GALNTL6: variants seen among roughly 807,000 people sequenced by gnomAD.
GALNTL6 encodes the protein polypeptide N-acetylgalactosaminyltransferase-like 6.
GALNTL6 carries 46 observed loss-of-function variants against 73.7 expected under a neutral mutation model. The ratio of observed to expected loss-of-function variants is 0.62; its 90% CI spans 0.49 to 0.80. The LOEUF is 0.80. Among genes scored for constraint, GALNTL6 ranks in the 30% least tolerant of loss-of-function variants. GALNTL6 has a pLI of 0.00. For missense variants in GALNTL6, 604 were observed against 755.0 expected (o/e 0.80, Z 2.34); for synonymous variants, 259 against 263.7 (o/e 0.98, Z 0.17).
intron 8 of GALNTL6, among the ~76,000 whole-genome samples, chr4:172,896,258 T>C (rs970779334): frequency 1.3e-5 from 2 of 152,226 alleles, no homozygotes; most frequent in Non-Finnish European, 2.9e-5. Context: ...TTTGTGCCTG[T>C]TCATTTTCCA....
At chr4:172,221,836 GGATTA>G (rs1736685956) in intron 2 of GALNTL6, among the ~76,000 whole-genome samples, 1 of 151,616 alleles carries the variant, frequency 6.6e-6, no homozygotes, top group African/African-American at 2.4e-5. Flanking sequence ...TATGTCAGCT[GGATTA>G]TAACCACTGC....
chr4:173,010,978 T>A (rs1221607664), intron 11 of GALNTL6, among the ~76,000 whole-genome samples: 2 of 152,252 alleles, frequency 1.3e-5, no homozygotes, highest in East Asian at 3.9e-4. Context: ...CTGCCAACAA[T>A]GTAAAAGTTT....
intron 5 of GALNTL6, among the ~76,000 whole-genome samples, chr4:172,368,798 A>G (rs1301813405): frequency 3.3e-5 from 5 of 152,160 alleles, no homozygotes; most frequent in African/African-American, 9.7e-5. Context: ...CCTTGCGGTG[A>G]GTGTTACAGT....
At chr4:172,309,153 G>A (rs903902692) in intron 3 of GALNTL6, among the ~76,000 whole-genome samples, 3 of 152,000 alleles carry the variant, frequency 2.0e-5, no homozygotes, top group African/African-American at 7.2e-5. Context: ...TCCTTTGATT[G>A]GAGAGGTTTC....
chr4:172,920,529 C>T (rs1057279865), intron 8 of GALNTL6, among the ~76,000 whole-genome samples: 1 of 152,138 alleles, frequency 6.6e-6, no homozygotes, highest in Non-Finnish European at 1.5e-5. Flanking sequence ...CAACCTTACC[C>T]TGCCTAAGTT....
intron 7 of GALNTL6, among the ~76,000 whole-genome samples, chr4:172,836,675 A>G (rs1742926672): frequency 6.6e-6 from 1 of 152,250 alleles, no homozygotes; most frequent in Non-Finnish European, 1.5e-5. Context: ...ATGATTGAGG[A>G]ATTCTATATT....
intron 2 of GALNTL6, among the ~76,000 whole-genome samples, chr4:171,977,989 G>C (rs1270765118): frequency 6.6e-6 from 1 of 151,974 alleles, no homozygotes; most frequent in Non-Finnish European, 1.5e-5. Flanking sequence ...TTGCAGTTTT[G>C]CTCTCATGAG....
At chr4:172,006,401 G>T (rs1740843405) in intron 2 of GALNTL6, among the ~76,000 whole-genome samples, 1 of 152,134 alleles carries the variant, frequency 6.6e-6, no homozygotes, top group Non-Finnish European at 1.5e-5. Context: ...GCGGAAGTGG[G>T]AGGATTGCTT....
At chr4:172,796,111 C>T (rs1325466907) in intron 5 of GALNTL6, among the ~76,000 whole-genome samples, 1 of 151,442 alleles carries the variant, frequency 6.6e-6, no homozygotes. Flanking sequence ...CCCCTTCTTT[C>T]CAGTTTCCTA....
intron 5 of GALNTL6, among the ~76,000 whole-genome samples, chr4:172,731,053 C>T (rs1469014532): frequency 6.7e-6 from 1 of 149,186 alleles, no homozygotes. Context: ...GCACTCCAGC[C>T]TGGGCTACAG....
chr4:172,945,058 C>CAAAAAAAAAA (rs200461415), intron 9 of GALNTL6, among the ~76,000 whole-genome samples: 1 of 76,894 alleles, frequency 1.3e-5, no homozygotes, highest in Non-Finnish European at 2.6e-5. Context: ...AATTCCATCT[C>CAAAAAAAAAA]AAAAAAAAAA....
At chr4:173,020,619 C>T (rs542185624) in intron 11 of GALNTL6, among the ~76,000 whole-genome samples, 1 of 152,342 alleles carries the variant, frequency 6.6e-6, no homozygotes, top group Non-Finnish European at 1.5e-5. Flanking sequence ...TTCTTCACTT[C>T]ATCAAGCTTA....
chr4:172,233,257 C>T (rs1221414430), intron 3 of GALNTL6, among the ~76,000 whole-genome samples: 1 of 150,856 alleles, frequency 6.6e-6, no homozygotes, highest in Non-Finnish European at 1.5e-5. Flanking sequence ...TGCCTGTGGT[C>T]TCAACTACAT....
intron 5 of GALNTL6, among the ~76,000 whole-genome samples, chr4:172,641,047 C>G (rs1460566357): frequency 1.3e-5 from 2 of 152,072 alleles, no homozygotes. Context: ...ACCCTCTCTT[C>G]TCTAACTGCT....
intron 2 of GALNTL6, among the ~76,000 whole-genome samples, chr4:172,004,593 C>A (rs1469421963): frequency 6.6e-6 from 1 of 151,644 alleles, no homozygotes; most frequent in African/African-American, 2.4e-5. Context: ...AGCATATGTA[C>A]AATATAAGTG....
chr4:172,537,668 GTTA>G (rs1284725181), intron 5 of GALNTL6, among the ~76,000 whole-genome samples: 2 of 152,066 alleles, frequency 1.3e-5, no homozygotes, highest in African/African-American at 2.4e-5. Flanking sequence ...TTATATTTGT[GTTA>G]TTATATAAGA....
chr4:172,132,608 A>G (rs886749828), intron 2 of GALNTL6, among the ~76,000 whole-genome samples: 1 of 152,128 alleles, frequency 6.6e-6, no homozygotes, highest in Non-Finnish European at 1.5e-5. Context: ...TTACTTAAAT[A>G]TATGTTATTA....
At chr4:172,124,685 A>G (rs952398975) in intron 2 of GALNTL6, among the ~76,000 whole-genome samples, 1 of 152,206 alleles carries the variant, frequency 6.6e-6, no homozygotes, top group Admixed American at 6.5e-5. Flanking sequence ...AAACAAATCT[A>G]CTGAAGAGTG....
At chr4:172,653,925 T>A (rs1730837730) in intron 5 of GALNTL6, among the ~76,000 whole-genome samples, 1 of 152,256 alleles carries the variant, frequency 6.6e-6, no homozygotes, top group African/African-American at 2.4e-5. Flanking sequence ...TATATTTTAA[T>A]GTGCATAACT....
Sources: allele counts gnomAD v4.1 joint callset (sites outside exome capture counted in the v4.1 genomes callset), GRCh38; gene constraint gnomAD v4.1.1; transcripts MANE v1.5; gene names NCBI Gene and HGNC (gene_info 2026-07-23, HGNC 2026-07-21).